Variants in KCTD16 observed in about 807,000 individuals in gnomAD.
KCTD16 encodes BTB/POZ domain-containing protein KCTD16.
In KCTD16, 13 loss-of-function variants were observed where a neutral mutation model predicts 33.2. The observed-to-expected ratio is 0.39, with a 90% confidence interval of 0.25 to 0.62. KCTD16 has a LOEUF of 0.62. KCTD16 is among the 20% of genes least tolerant of loss of function. The probability of loss-of-function intolerance (pLI) is 0.50; values close to 1 mark genes in which losing one functional copy is unlikely to be tolerated. For missense variants in KCTD16, 441 were observed against 525.1 expected (o/e 0.84, Z 1.57); for synonymous variants, 197 against 195.3 (o/e 1.01, Z -0.07).
At chr5:144,198,401 G>C (rs1752976827) in intron 2 of KCTD16, among the ~76,000 whole-genome samples, 1 of 152,138 alleles carries the variant, frequency 6.6e-6, no homozygotes, top group African/African-American at 2.4e-5. Flanking sequence ...GTGGTATTCA[G>C]AGCATATCTG....
chr5:144,449,633 A>G (rs1340200737), intron 3 of KCTD16, among the ~76,000 whole-genome samples: 1 of 152,064 alleles, frequency 6.6e-6, no homozygotes, highest in Non-Finnish European at 1.5e-5. Context: ...TGATACTTGC[A>G]TAAAGATGGA....
At chr5:144,235,973 G>A (rs781340305) in intron 3 of KCTD16, among the ~76,000 whole-genome samples, 6 of 152,026 alleles carry the variant, frequency 3.9e-5, no homozygotes, top group African/African-American at 1.2e-4. Context: ...GTGTTTATAC[G>A]TAAGGGTCAT....
intron 3 of KCTD16, among the ~76,000 whole-genome samples, chr5:144,433,974 G>A (rs895678703): frequency 7.2e-5 from 11 of 152,082 alleles, no homozygotes; most frequent in Non-Finnish European, 1.5e-4. Flanking sequence ...GAAAGAACTC[G>A]AGAAGTGGTT....
chr5:144,457,566 A>T (rs572830360), intron 3 of KCTD16, among the ~76,000 whole-genome samples: 1 of 152,176 alleles, frequency 6.6e-6, no homozygotes, highest in Non-Finnish European at 1.5e-5. Context: ...CAGGGGGTGG[A>T]GGGAAACCAG....
intron 3 of KCTD16, among the ~76,000 whole-genome samples, chr5:144,276,074 T>A (rs1196306373): frequency 6.6e-6 from 1 of 152,250 alleles, no homozygotes; most frequent in African/African-American, 2.4e-5. Context: ...TTTTTAGTTA[T>A]ATAAATAATA....
At chr5:144,331,471 G>C (rs915622187) in intron 3 of KCTD16, among the ~76,000 whole-genome samples, 8 of 152,162 alleles carry the variant, frequency 5.3e-5, no homozygotes, top group Admixed American at 5.2e-4. Context: ...ATTCACACAA[G>C]AGATAGTAGC....
intron 3 of KCTD16, among the ~76,000 whole-genome samples, chr5:144,213,578 C>T (rs767209559): frequency 2.6e-5 from 4 of 152,204 alleles, no homozygotes; most frequent in African/African-American, 4.8e-5. Context: ...TTGGTAAGCT[C>T]GTTAGATCTA....
At chr5:144,426,434 C>CA (rs137950045) in intron 3 of KCTD16, among the ~76,000 whole-genome samples, 2 of 152,032 alleles carry the variant, frequency 1.3e-5, no homozygotes, top group African/African-American at 4.8e-5. Flanking sequence ...GCTTCATTTG[C>CA]AAAAAATACA....
chr5:144,261,167 C>CAAAAAAAAAAAAAAAAAAAA (rs1299878040), intron 3 of KCTD16, among the ~76,000 whole-genome samples: 2 of 78,066 alleles, frequency 2.6e-5, no homozygotes, highest in Non-Finnish European at 5.0e-5. Context: ...GGAACAACAA[C>CAAAAAAAAAAAAAAAAAAAA]AAAAAAAAAA....
At chr5:144,422,523 C>T (rs192123755) in intron 3 of KCTD16, among the ~76,000 whole-genome samples, 27 of 152,248 alleles carry the variant, frequency 1.8e-4, no homozygotes, top group Admixed American at 5.2e-4. Flanking sequence ...ATCTCAACTC[C>T]GTCTCCAAAT....
At chr5:144,334,663 A>C (rs1007854350) in intron 3 of KCTD16, among the ~76,000 whole-genome samples, 18 of 152,194 alleles carry the variant, frequency 1.2e-4, no homozygotes, top group African/African-American at 3.9e-4. Context: ...TGTTTGACAG[A>C]AAACTGAGTT....
Position 144,207,441 on chromosome 5 carries a change from T to G in KCTD16, c.727T>G (p.Cys243Gly), listed in dbSNP as rs773482773. Residue 243 changes from cysteine (C) to glycine (G), a missense_variant, in exon 3 of 4, where the codon TGT (cysteine) becomes GGT (glycine). Physicochemically the swap from Cys to Gly is radical, Grantham distance 159 (BLOSUM62 -3). Around this residue, in one of 3 missense-constraint regions of KCTD16, gnomAD observed 355 missense variants for 413.0 expected, o/e 0.86. Coordinates refer to ENST00000512467, the MANE Select transcript of KCTD16 (RefSeq NM_020768.4). ...LERAFDMLSE[C>G]GFHMVACNSS... ...AAGGGCTTTTGATATGTTGTCAGAG[T>G]GTGGATTCCACATGGTGGCCTGTAA... The G allele has an allele frequency of 9.3e-6, 15 of 1,614,190 alleles. No individual in the cohort carries two copies. Among genetic ancestry groups the G allele is most frequent in the African/African-American group, 1.3e-5 (1 of 75,044 alleles).
chr5:144,185,475 A>T (rs1349627640), intron 2 of KCTD16, among the ~76,000 whole-genome samples: 16 of 152,158 alleles, frequency 1.1e-4, no homozygotes, highest in Admixed American at 1.0e-3. Flanking sequence ...AATGTTCCCA[A>T]ATCACATCTT....
chr5:144,427,020 C>T (rs1454729319), intron 3 of KCTD16, among the ~76,000 whole-genome samples: 1 of 152,082 alleles, frequency 6.6e-6, no homozygotes, highest in African/African-American at 2.4e-5. Flanking sequence ...CACTTTAGGT[C>T]TTTCGTATTC....
chr5:144,258,201 T>C (rs1754904688), intron 3 of KCTD16, among the ~76,000 whole-genome samples: 1 of 152,172 alleles, frequency 6.6e-6, no homozygotes, highest in Non-Finnish European at 1.5e-5. Flanking sequence ...GACAGTGTCC[T>C]ACATATTCTA....
At chr5:144,429,991 A>G (rs1753422084) in intron 3 of KCTD16, among the ~76,000 whole-genome samples, 1 of 152,122 alleles carries the variant, frequency 6.6e-6, no homozygotes, top group Non-Finnish European at 1.5e-5. Context: ...CTAGCTTTTT[A>G]TAGGATAACA....
intron 3 of KCTD16, among the ~76,000 whole-genome samples, chr5:144,351,726 TAAGA>T (rs1751440487): frequency 1.3e-5 from 2 of 152,260 alleles, no homozygotes; most frequent in South Asian, 4.1e-4. Context: ...TTAGCCTTAA[TAAGA>T]AAGAAATCCT....
chr5:144,276,124 C>T (rs1035094392), intron 3 of KCTD16, among the ~76,000 whole-genome samples: 5 of 152,152 alleles, frequency 3.3e-5, no homozygotes, highest in Non-Finnish European at 5.9e-5. Context: ...TTGCCTTAAA[C>T]CCTTCTCTTC....
chr5:144,212,741 C>A (rs575112079), intron 3 of KCTD16, among the ~76,000 whole-genome samples: 1 of 152,226 alleles, frequency 6.6e-6, no homozygotes, highest in African/African-American at 2.4e-5. Context: ...TTTGCCTCTG[C>A]GATGGCTTTT....
Sources: allele counts gnomAD v4.1 joint callset (sites outside exome capture counted in the v4.1 genomes callset), GRCh38; gene constraint gnomAD v4.1.1; regional missense constraint gnomAD v4.1.1; transcripts MANE v1.5; gene names NCBI Gene and HGNC (gene_info 2026-07-23, HGNC 2026-07-21).